The following GRIN2B variants were observed in gnomAD, a reference collection of about 807,000 sequenced individuals.
GRIN2B encodes glutamate receptor ionotropic, NMDA 2B.
In GRIN2B, 5 loss-of-function variants were observed where a neutral mutation model predicts 114.5. The ratio of observed to expected loss-of-function variants is 0.04; its 90% CI spans 0.02 to 0.09. GRIN2B has a LOEUF of 0.09. GRIN2B is among the 10% of genes least tolerant of loss of function. The probability of loss-of-function intolerance (pLI) is 1.00; values close to 1 mark genes in which losing one functional copy is unlikely to be tolerated. For synonymous variants in GRIN2B, 787 were observed against 745.1 expected (o/e 1.06, Z -0.92); for missense variants, 1,108 against 1,943.5 (o/e 0.57, Z 8.08).
At chr12:13,661,935 C>G (rs1949927647) in intron 5 of GRIN2B, among the ~76,000 whole-genome samples, 1 of 152,094 alleles carries the variant, frequency 6.6e-6, no homozygotes, top group South Asian at 2.1e-4. Context: ...CAGTTTATGA[C>G]CTTTCCTATA....
intron 5 of GRIN2B, among the ~76,000 whole-genome samples, chr12:13,648,962 A>G (rs1949789069): frequency 6.6e-6 from 1 of 152,052 alleles, no homozygotes; most frequent in Admixed American, 6.6e-5. Flanking sequence ...AGAAAGAGGG[A>G]TAAGAAGAAA....
chr12:13,608,502 C>CTTCTAA, intron 10 of GRIN2B, 101 bp downstream of exon 10: 1 of 838,404 alleles, frequency 1.2e-6, no homozygotes, highest in African/African-American at 1.7e-5. Flanking sequence ...AAAGAACGGT[C>CTTCTAA]AATTCCAAAA....
In GRIN2B at chr12:13,544,899, C is replaced by G. The variant is rs1031644130; in HGVS notation, c.*17884G>C. 3.3e-5 allele frequency: 5 copies of G among 152,268 alleles called. No homozygotes were observed. The highest frequency in any genetic ancestry group is 7.3e-5 in the Non-Finnish European group (5 of 68,080). 9.4% of individuals were successfully genotyped at this position (152,268 alleles called of 1,614,324 possible). A position where few individuals can be genotyped will look rare whatever the true frequency, so the allele number is the denominator to read the frequency against. ...GCCCTCTCAGGGTATACTCTCAACACAGCAGTCCCAAAGCTTCCTCTTCAA... is the reference window on the plus strand; with the variant it reads ...GCCCTCTCAGGGTATACTCTCAACAGAGCAGTCCCAAAGCTTCCTCTTCAA... On this transcript the variant is annotated 3_prime_UTR_variant, in exon 14 of 14. Transcript: ENST00000609686.
chr12:13,844,925 C>G (rs1197177995), intron 3 of GRIN2B, among the ~76,000 whole-genome samples: 2 of 152,224 alleles, frequency 1.3e-5, no homozygotes, highest in African/African-American at 4.8e-5. Flanking sequence ...TTCCTGTTCT[C>G]TCTTCCAATT....
chr12:13,610,127 G>A (rs1421634763), intron 9 of GRIN2B: 2 of 152,200 alleles, frequency 1.3e-5, no homozygotes, highest in African/African-American at 4.8e-5. Context: ...GACAACTCAT[G>A]TTGAACCTGA....
intron 4 of GRIN2B, among the ~76,000 whole-genome samples, chr12:13,746,537 C>T (rs1165654237): frequency 6.6e-6 from 1 of 152,212 alleles, no homozygotes; most frequent in Non-Finnish European, 1.5e-5. Context: ...ACCCCACTCA[C>T]TGTCCTCAGT....
chr12:13,705,493 T>G (rs1950352017), intron 4 of GRIN2B, among the ~76,000 whole-genome samples: 2 of 152,122 alleles, frequency 1.3e-5, no homozygotes, highest in African/African-American at 4.8e-5. Context: ...TATACGTTCA[T>G]AAGGATTCCC....
At chr12:13,772,159 T>C (rs943947857) in intron 3 of GRIN2B, among the ~76,000 whole-genome samples, 1 of 152,218 alleles carries the variant, frequency 6.6e-6, no homozygotes, top group Non-Finnish European at 1.5e-5. Flanking sequence ...TCAGCTATTA[T>C]TCCCAGCTAT....
intron 2 of GRIN2B, among the ~76,000 whole-genome samples, chr12:13,880,700 A>G (rs564912189): frequency 2.6e-5 from 4 of 152,232 alleles, no homozygotes; most frequent in Non-Finnish European, 5.9e-5. Context: ...TTTTCAATTG[A>G]AATAATATTC....
At chr12:13,607,373 AT>A (rs1949286071) in intron 10 of GRIN2B, among the ~76,000 whole-genome samples, 4 of 42,728 alleles carry the variant, frequency 9.4e-5, no homozygotes, top group East Asian at 4.9e-4. Flanking sequence ...TATATTATAT[AT>A]TATATATATA....
intron 3 of GRIN2B, among the ~76,000 whole-genome samples, chr12:13,825,904 A>G (rs1403762108): frequency 6.6e-6 from 1 of 152,126 alleles, no homozygotes. Context: ...TTTGTATCCA[A>G]TCTGTCAATA....
chr12:13,929,870 C>G (rs1866992083), intron 2 of GRIN2B, among the ~76,000 whole-genome samples: 1 of 152,186 alleles, frequency 6.6e-6, no homozygotes, highest in African/African-American at 2.4e-5. Context: ...TTAAAGCACT[C>G]CAAACACCAC....
chr12:13,965,394 C>T (rs2136866373), intron 2 of GRIN2B, among the ~76,000 whole-genome samples: 1 of 152,306 alleles, frequency 6.6e-6, no homozygotes, highest in South Asian at 2.1e-4. Context: ...CAAATGGCAG[C>T]CTTTGGCCCT....
Position 13,567,269 on chromosome 12 carries a change from G to T in GRIN2B, c.2360-6C>A. ...TTCCAGTTCTTCCATCTCCCCTGGG[G>T]AAAGGACAGAGAAGGAAAATGGATA... On this transcript the variant is annotated splice_polypyrimidine_tract_variant and splice_region_variant and intron_variant, in intron 12 of 13. Transcript: ENST00000609686. The T allele has an allele frequency of 1.3e-6, 2 of 1,599,030 alleles. No individual in the cohort carries two copies. The highest frequency in any genetic ancestry group is 1.7e-6 in the Non-Finnish European group (2 of 1,166,298).
chr12:13,663,085 T>G (rs1949940029), intron 5 of GRIN2B, among the ~76,000 whole-genome samples: 2 of 152,148 alleles, frequency 1.3e-5, no homozygotes, highest in African/African-American at 2.4e-5. Flanking sequence ...CCGGTGATGC[T>G]AATGCTGTTG....
intron 2 of GRIN2B, among the ~76,000 whole-genome samples, chr12:13,867,287 C>A (rs1865843623): frequency 1.3e-5 from 2 of 152,048 alleles, no homozygotes; most frequent in Admixed American, 6.6e-5. Flanking sequence ...TTTTTACTTC[C>A]ACATATGACC....
chr12:13,694,500 A>G (rs1371239844), intron 4 of GRIN2B, among the ~76,000 whole-genome samples: 1 of 151,590 alleles, frequency 6.6e-6, no homozygotes. Context: ...CCCATGTTAC[A>G]GATGAGGAAA....
chr12:13,764,088 C>A (rs1051910592), intron 3 of GRIN2B, among the ~76,000 whole-genome samples: 5 of 151,728 alleles, frequency 3.3e-5, no homozygotes, highest in African/African-American at 4.9e-5. Context: ...CAGCTCCTAA[C>A]CTGATACAGG....
intron 5 of GRIN2B, among the ~76,000 whole-genome samples, chr12:13,646,144 A>T (rs1221213669): frequency 1.3e-5 from 2 of 152,134 alleles, no homozygotes; most frequent in Non-Finnish European, 1.5e-5. Flanking sequence ...AGAGGTAGTG[A>T]TAGGAAGTTT....
Sources: gnomAD v4.1 joint callset for allele counts (sites outside exome capture counted in the v4.1 genomes callset) on GRCh38, gnomAD v4.1.1 for gene constraint, MANE v1.5 for transcripts, NCBI Gene and HGNC (gene_info 2026-07-23, HGNC 2026-07-21) for gene names.